RIT2: variants seen among roughly 807,000 people sequenced by gnomAD.
RIT2 encodes the protein GTP-binding protein Rit2.
RIT2 carries 24 observed loss-of-function variants against 23.7 expected under a neutral mutation model. The ratio of observed to expected loss-of-function variants is 1.01; its 90% CI spans 0.73 to 1.43. RIT2 has a LOEUF of 1.43. RIT2 is among the 40% of genes most tolerant of loss of function. RIT2 has a pLI of 0.00. For synonymous variants in RIT2, 107 were observed against 91.1 expected (o/e 1.17, Z -0.99); for missense variants, 236 against 266.9 (o/e 0.88, Z 0.81).
intron 4 of RIT2, among the ~76,000 whole-genome samples, chr18:42,882,286 A>C (rs1035739402): frequency 6.6e-6 from 1 of 152,208 alleles, no homozygotes; most frequent in Non-Finnish European, 1.5e-5. Context: ...CTTGCTGGCT[A>C]TAAAATGAGG....
chr18:42,997,651 A>G (rs1458376892), intron 2 of RIT2, among the ~76,000 whole-genome samples: 1 of 151,912 alleles, frequency 6.6e-6, no homozygotes, highest in Non-Finnish European at 1.5e-5. Flanking sequence ...TTGAGCATCT[A>G]CGAATTTATT....
intron 2 of RIT2, among the ~76,000 whole-genome samples, chr18:43,000,827 T>C (rs896462397): frequency 3.3e-5 from 5 of 151,982 alleles, no homozygotes; most frequent in African/African-American, 1.2e-4. Context: ...GCCTTTCTCC[T>C]TTAAAAATTA....
chr18:42,902,115 A>C (rs1350170831), intron 4 of RIT2, among the ~76,000 whole-genome samples: 1 of 151,928 alleles, frequency 6.6e-6, no homozygotes, highest in East Asian at 1.9e-4. Flanking sequence ...TAATGAGTAC[A>C]TTGTTAATTT....
chr18:42,967,393 A>T (rs1910253434), intron 3 of RIT2, among the ~76,000 whole-genome samples: 1 of 151,988 alleles, frequency 6.6e-6, no homozygotes, highest in African/African-American at 2.4e-5. Context: ...GTTTTGAGAC[A>T]GAGTCTCGCT....
intron 4 of RIT2, among the ~76,000 whole-genome samples, chr18:42,839,141 C>T (rs1453724006): frequency 1.3e-5 from 2 of 152,104 alleles, no homozygotes; most frequent in Non-Finnish European, 2.9e-5. Flanking sequence ...CCCCATAAAA[C>T]AAATTAACAA....
intron 4 of RIT2, among the ~76,000 whole-genome samples, chr18:42,818,462 T>G (rs1175659893): frequency 2.0e-5 from 3 of 152,076 alleles, no homozygotes; most frequent in African/African-American, 7.2e-5. Flanking sequence ...GCTAACCCTT[T>G]CTATATGTAA....
At chr18:42,763,775 T>A (rs1171570651) in intron 4 of RIT2, among the ~76,000 whole-genome samples, 1 of 152,212 alleles carries the variant, frequency 6.6e-6, no homozygotes, top group African/African-American at 2.4e-5. Context: ...ATTTTATAGT[T>A]GTACAAAATA....
chr18:42,871,662 G>C (rs1907624225), intron 4 of RIT2, among the ~76,000 whole-genome samples: 1 of 152,158 alleles, frequency 6.6e-6, no homozygotes, highest in African/African-American at 2.4e-5. Context: ...TTATTCCTCA[G>C]CCTGGGCCAA....
intron 3 of RIT2, among the ~76,000 whole-genome samples, chr18:42,955,036 T>C (rs1353488321): frequency 2.6e-5 from 4 of 152,276 alleles, no homozygotes; most frequent in East Asian, 3.9e-4. Flanking sequence ...GGTGTCTCCA[T>C]GCAGATATGA....
At chr18:42,967,527 G>A (rs79560318) in intron 3 of RIT2, among the ~76,000 whole-genome samples, 11,641 of 138,908 alleles carry the variant, frequency 0.084, 833 homozygotes, top group East Asian at 0.41. Context: ...CCGCCACCAC[G>A]CCCGGCTAAT....
At chr18:42,822,497 A>C (rs1598668617) in intron 4 of RIT2, among the ~76,000 whole-genome samples, 1 of 152,108 alleles carries the variant, frequency 6.6e-6, no homozygotes, top group Non-Finnish European at 1.5e-5. Flanking sequence ...TTTCATCTGC[A>C]ATGGTTGGTT....
intron 4 of RIT2, among the ~76,000 whole-genome samples, chr18:42,809,062 G>A (rs1045592256): frequency 2.0e-5 from 3 of 152,030 alleles, no homozygotes; most frequent in Admixed American, 6.6e-5. Flanking sequence ...TGTTGAGATA[G>A]GATAGGCAAA....
chr18:42,815,322 T>C (rs1290134602), intron 4 of RIT2, among the ~76,000 whole-genome samples: 1 of 152,136 alleles, frequency 6.6e-6, no homozygotes. Context: ...AAATGCAAAC[T>C]GCTCTGGAAA....
chr18:42,856,828 T>TC (rs1249790082), intron 4 of RIT2, among the ~76,000 whole-genome samples: 11 of 91,406 alleles, frequency 1.2e-4, no homozygotes, highest in South Asian at 1.2e-3. Flanking sequence ...TCTCTCTCTC[T>TC]TTTTTTTTTT....
At chr18:43,112,933 A>G (rs988291662) in intron 1 of RIT2, among the ~76,000 whole-genome samples, 4 of 152,106 alleles carry the variant, frequency 2.6e-5, no homozygotes, top group African/African-American at 9.7e-5. Flanking sequence ...CTCTTCTGGA[A>G]ATCTCTTCAC....
intron 4 of RIT2, among the ~76,000 whole-genome samples, chr18:42,866,616 T>A (rs1907476718): frequency 6.6e-6 from 1 of 151,678 alleles, no homozygotes. Flanking sequence ...GATAATTATT[T>A]TAATATTCAT....
chr18:42,911,321 T>A (rs1908764310), intron 4 of RIT2, among the ~76,000 whole-genome samples: 1 of 151,772 alleles, frequency 6.6e-6, no homozygotes, highest in Non-Finnish European at 1.5e-5. Flanking sequence ...ATAATAAAGA[T>A]AACATCAGAA....
chr18:42,762,365 T>G (rs1416955916), intron 4 of RIT2, among the ~76,000 whole-genome samples: 1 of 151,962 alleles, frequency 6.6e-6, no homozygotes, highest in Admixed American at 6.6e-5. Context: ...AGAAGAAAAA[T>G]GAGTATATGG....
Position 42,743,473 on chromosome 18 carries a change from G to C in RIT2, c.*20C>G. 1 of 1,546,706 alleles carries C rather than the reference G, an allele frequency of 6.5e-7. No individual in the cohort carries two copies. The highest frequency in any genetic ancestry group is 8.9e-7 in the Non-Finnish European group (1 of 1,120,332). On this transcript the variant is annotated 3_prime_UTR_variant, in exon 5 of 5. Coordinates refer to ENST00000326695, the MANE Select transcript of RIT2 (RefSeq NM_002930.4). ...AACTAATAAAATTCAGAGAGCGTGAGGAACTCAAAAGCAAAGATATCATGT... is the reference window on the plus strand; with the variant it reads ...AACTAATAAAATTCAGAGAGCGTGACGAACTCAAAAGCAAAGATATCATGT...
Sources: allele counts gnomAD v4.1 joint callset (sites outside exome capture counted in the v4.1 genomes callset), GRCh38; gene constraint gnomAD v4.1.1; transcripts MANE v1.5; gene names NCBI Gene and HGNC (gene_info 2026-07-23, HGNC 2026-07-21).